The following STK11 variants were observed in gnomAD, a reference collection of about 807,000 sequenced individuals.
STK11 encodes the protein serine/threonine-protein kinase STK11.
In STK11, 8 loss-of-function variants were observed where a neutral mutation model predicts 47.3. That is an observed-to-expected ratio of 0.17 (90% CI 0.10 to 0.31). The LOEUF (loss-of-function observed/expected upper bound fraction) is 0.31. Among genes scored for constraint, STK11 ranks in the 10% least tolerant of loss-of-function variants. The pLI, the probability that STK11 is intolerant of heterozygous loss-of-function variation, is 1.00. For synonymous variants in STK11, 330 were observed against 255.8 expected, an observed-to-expected ratio of 1.29 and a Z score of -2.77; for missense variants, 475 against 605.0, an observed-to-expected ratio of 0.79 and a Z score of 2.25.
chr19:1,206,776 T>G lies in STK11; in HGVS notation c.-138T>G. 8.7e-7 allele frequency: 1 copy of G among 1,145,894 alleles called. No homozygotes were observed. Among genetic ancestry groups the G allele is most frequent in the Non-Finnish European group, 1.2e-6 (1 of 835,738 alleles). 71.0% of individuals were successfully genotyped at this position (1,145,894 alleles called of 1,614,324 possible). A position where few individuals can be genotyped will look rare whatever the true frequency, so the allele number is the denominator to read the frequency against. The stretch of plus-strand genomic sequence containing the variant: ...TCTGTTGGAAGAAGGGTTTTTCCCT[T>G]CCTTTTGGGGTTTTTGTTGCCTTTT... On this transcript the variant is annotated 5_prime_UTR_variant, in exon 1 of 10. Transcript: ENST00000326873.
rs1031089564 is a variant in STK11 at position 1,215,431 on chromosome 19, G to T, written c.291-2986G>T. On this transcript the variant is annotated intron_variant, in intron 1 of 9. Coordinates refer to ENST00000326873, the MANE Select transcript of STK11 (RefSeq NM_000455.5). ...CGGGCACAGCCAGGGGCCGGAACCA[G>T]TTGCTCACTGGCTCCGCTTCTGGGG... 3.9e-5 allele frequency among the ~76,000 whole-genome samples: 6 copies of T among 152,232 alleles called. No individual in the cohort carries two copies. The East Asian group carries it at 1.2e-3, about 29-fold the overall frequency.
At chr19:1,208,025 C>G (rs1361278915) in intron 1 of STK11, among the ~76,000 whole-genome samples, 1 of 152,242 alleles carries the variant, frequency 6.6e-6, no homozygotes, top group Non-Finnish European at 1.5e-5. Flanking sequence ...CACGCTGCAC[C>G]TGCCGCCGCC....
chr19:1,207,226 G>GGGGCC (rs765850922), intron 1 of STK11, 23 bp downstream of exon 1: 12 of 1,580,092 alleles, frequency 7.6e-6, no homozygotes, highest in African/African-American at 1.3e-5. Context: ...TGCTGGGGTC[G>GGGGCC]GGGCCGGGCC....
intron 8 of STK11, chr19:1,224,295 T>C: frequency 1.0e-6 from 1 of 985,328 alleles, no homozygotes; most frequent in Non-Finnish European, 1.2e-6. Context: ...GGGTCTCAGC[T>C]CCTGGGCTCT....
intron 7 of STK11, among the ~76,000 whole-genome samples, chr19:1,222,647 A>G (rs1369187282): frequency 2.6e-5 from 4 of 151,826 alleles, no homozygotes; most frequent in East Asian, 1.9e-4. Context: ...CTGCCCCCCG[A>G]TAGCCTCCTG....
intron 1 of STK11, chr19:1,216,230 C>T (rs1417574740): frequency 1.2e-5 from 2 of 166,720 alleles, no homozygotes; most frequent in East Asian, 2.3e-4. Flanking sequence ...AAAAGCAAGC[C>T]CCATTCCCAT....
chr19:1,222,529 AC>A (rs977506270), intron 7 of STK11, among the ~76,000 whole-genome samples: 28 of 152,208 alleles, frequency 1.8e-4, no homozygotes, highest in African/African-American at 6.5e-4. Context: ...ACCCACTGAG[AC>A]CGGCTCTGGG....
In STK11 at chr19:1,221,175, G is replaced by C. The variant is rs1312999561; in HGVS notation, c.735-38G>C. 7 of 1,609,368 alleles carry C rather than the reference G, an allele frequency of 4.3e-6. No individual in the cohort carries two copies. The East Asian group carries it at 1.6e-4, about 36-fold the overall frequency. Reference sequence around the variant, plus strand: ...GGGCTCCTAGGGCGTCAACCACCTTGACTGACCACGCCTTTCTTCCCTCCC... The same window carrying C: ...GGGCTCCTAGGGCGTCAACCACCTTCACTGACCACGCCTTTCTTCCCTCCC... On this transcript the variant is annotated intron_variant, in intron 5 of 9. Transcript: ENST00000326873.
intron 2 of STK11, 75 bp from the exon 3 acceptor site, chr19:1,219,249 C>T: frequency 6.6e-7 from 1 of 1,513,714 alleles, no homozygotes; most frequent in Middle Eastern, 1.7e-4. Flanking sequence ...CCTCCAGAGC[C>T]CCTTTTCTGG....
Position 1,220,921 on chromosome 19 carries a change from G to A in STK11, c.734+204G>A, listed in dbSNP as rs116157928. 4.2e-3 allele frequency among the ~76,000 whole-genome samples: 637 copies of A among 152,332 alleles called. 4 individuals are homozygous for A. Among genetic ancestry groups the A allele is most frequent in the African/African-American group, 0.014 (584 of 41,572 alleles). On this transcript the variant is annotated intron_variant, in intron 5 of 9. Coordinates refer to ENST00000326873, the MANE Select transcript of STK11 (RefSeq NM_000455.5). ...ACCCGTGTGAAGTGCAGCCTGGCCC[G>A]TCAGGGATCTTCACAGAGTGGCACG... is the stretch of plus-strand genomic sequence containing the variant.
intron 1 of STK11, among the ~76,000 whole-genome samples, chr19:1,213,229 C>A (rs920395725): frequency 1.1e-4 from 16 of 150,670 alleles, no homozygotes; most frequent in Admixed American, 3.3e-4. Flanking sequence ...GATCTCCTGA[C>A]CTCGTGATCT....
rs565387911 is a variant in STK11 at position 1,220,513 on chromosome 19, C to A, written c.597+8C>A. 6.3e-7 allele frequency: 1 copy of A among 1,598,980 alleles called. No homozygotes were observed. Among genetic ancestry groups the A allele is most frequent in the Non-Finnish European group, 8.5e-7 (1 of 1,172,938 alleles). On this transcript the variant is annotated splice_region_variant and intron_variant, in intron 4 of 9. Transcript: ENST00000326873. Reference sequence around the variant, plus strand: ...GACCTGGGCGTGGCCGAGGTAGGCACGTGCTAGGGGGGGCCCTGGGGCGCC... The same window carrying A: ...GACCTGGGCGTGGCCGAGGTAGGCAAGTGCTAGGGGGGGCCCTGGGGCGCC...
chr19:1,205,811 C>T lies in STK11; in HGVS notation c.-1103C>T, dbSNP rs911844788. 2.2e-4 allele frequency: 44 copies of T among 204,376 alleles called. No individual in the cohort carries two copies. Among genetic ancestry groups the T allele is most frequent in the Non-Finnish European group, 3.7e-4 (37 of 99,462 alleles). 12.7% of individuals were successfully genotyped at this position (204,376 alleles called of 1,614,324 possible). A position where few individuals can be genotyped will look rare whatever the true frequency, so the allele number is the denominator to read the frequency against. On this transcript the variant is annotated 5_prime_UTR_variant, in exon 1 of 10. Transcript: ENST00000326873. ...CAAGATGGCGGCGGCGTGTCGGGCG[C>T]GGAAGGGGGAGGCGGCCCGGGGCGC...
At position 1,227,956 on chromosome 19, in the gene STK11, G is replaced by C. The variant is rs2080839247; in HGVS notation, c.*380G>C. On this transcript the variant is annotated 3_prime_UTR_variant, in exon 10 of 10. Transcript: ENST00000326873. ...GCGGCCCCGCCGCAGACCAGCTGGC[G>C]GGTGTGGAGACCAGGCTCCTGACCC... is the stretch of plus-strand genomic sequence containing the variant. 1 of 1,070,130 alleles carries C rather than the reference G, an allele frequency of 9.3e-7. No individual in the cohort carries two copies. The highest frequency in any genetic ancestry group is 1.1e-6 in the Non-Finnish European group (1 of 882,190). 66.3% of individuals were successfully genotyped at this position (1,070,130 alleles called of 1,614,324 possible). A position where few individuals can be genotyped will look rare whatever the true frequency, so the allele number is the denominator to read the frequency against.
At chr19:1,209,641 T>C (rs1364008232) in intron 1 of STK11, among the ~76,000 whole-genome samples, 2 of 152,016 alleles carry the variant, frequency 1.3e-5, no homozygotes, top group African/African-American at 4.8e-5. Flanking sequence ...GCTTGAGTTT[T>C]GACAAATGTA....
intron 8 of STK11, chr19:1,224,597 G>A (rs577231261): frequency 5.9e-5 from 58 of 985,596 alleles, no homozygotes; most frequent in Admixed American, 5.5e-4. Context: ...CCCCACGGCC[G>A]CCCCTGCAGG....
intron 1 of STK11, among the ~76,000 whole-genome samples, chr19:1,213,124 A>G (rs8106285): frequency 0.54 from 80,858 of 149,884 alleles, 22,699 homozygotes; most frequent in East Asian, 0.98. Flanking sequence ...AGCCTCCCGA[A>G]TAGCTGGGAC....
At chr19:1,222,956 C>T (rs771716540) in intron 7 of STK11, 29 bp from the exon 8 acceptor site, 4 of 1,519,964 alleles carry the variant, frequency 2.6e-6, no homozygotes, top group Admixed American at 4.0e-5. Flanking sequence ...GCCAGCCTGA[C>T]AGGCGCCACT....
Position 1,222,872 on chromosome 19 carries a change from G to T in STK11, c.921-113G>T, listed in dbSNP as rs546529461. The T allele has an allele frequency of 2.4e-6, 3 of 1,268,414 alleles. No homozygotes were observed. Among genetic ancestry groups the T allele is most frequent in the African/African-American group, 3.0e-5 (2 of 66,524 alleles). 78.6% of individuals were successfully genotyped at this position (1,268,414 alleles called of 1,614,324 possible). On this transcript the variant is annotated intron_variant, in intron 7 of 9. Transcript: ENST00000326873. ...GTCACAGCCACCCCTTGCACGGCCT[G>T]GTCCCAGCTCCTGAGTGTGTGGCAG...
Sources: gnomAD v4.1 joint callset for allele counts (sites outside exome capture counted in the v4.1 genomes callset) on GRCh38, gnomAD v4.1.1 for gene constraint, MANE v1.5 for transcripts, NCBI Gene and HGNC (gene_info 2026-07-23, HGNC 2026-07-21) for gene names.